Variants in CNTNAP2 observed in about 807,000 individuals in gnomAD.
CNTNAP2 encodes the protein contactin associated protein 2.
Under a neutral mutation model 155.2 loss-of-function variants are expected in CNTNAP2, and 98 were observed. The ratio of observed to expected loss-of-function variants is 0.63; its 90% CI spans 0.54 to 0.75. The LOEUF is 0.75. Among genes scored for constraint, CNTNAP2 ranks in the 30% least tolerant of loss-of-function variants. The pLI is 0.00. For synonymous variants in CNTNAP2, 651 were observed against 631.2 expected (o/e 1.03, Z -0.47); for missense variants, 1,727 against 1,688.1 (o/e 1.02, Z -0.40).
chr7:146,954,407 G>T (rs1180448255), intron 3 of CNTNAP2, among the ~76,000 whole-genome samples: 1 of 151,840 alleles, frequency 6.6e-6, no homozygotes, highest in Non-Finnish European at 1.5e-5. Flanking sequence ...AAAAGTCTGT[G>T]CATATGTTTC....
chr7:147,973,504 A>G (rs1006460060), intron 14 of CNTNAP2, among the ~76,000 whole-genome samples: 19 of 152,182 alleles, frequency 1.2e-4, no homozygotes, highest in African/African-American at 4.1e-4. Context: ...AGCATTACAA[A>G]CATTGGTTGA....
At chr7:148,174,250 A>G (rs1270959372) in intron 18 of CNTNAP2, among the ~76,000 whole-genome samples, 1 of 152,254 alleles carries the variant, frequency 6.6e-6, no homozygotes, top group African/African-American at 2.4e-5. Flanking sequence ...TTGACTTGGT[A>G]GAATGACAGT....
chr7:147,334,290 C>T (rs1485215690), intron 9 of CNTNAP2, among the ~76,000 whole-genome samples: 1 of 152,100 alleles, frequency 6.6e-6, no homozygotes. Context: ...CAAATAAAAC[C>T]CCAATCATCC....
At chr7:148,251,748 A>G (rs1796366120) in intron 20 of CNTNAP2, among the ~76,000 whole-genome samples, 1 of 152,182 alleles carries the variant, frequency 6.6e-6, no homozygotes, top group South Asian at 2.1e-4. Flanking sequence ...ATTCCTGGAC[A>G]TTTTCAATTC....
At position 147,043,946 on chromosome 7, in the gene CNTNAP2, C is replaced by T. The variant is rs1584801144; in HGVS notation, c.442C>T (p.His148Tyr). 6.2e-7 allele frequency: 1 copy of T among 1,614,178 alleles called. No homozygotes were observed. The highest frequency in any genetic ancestry group is 1.3e-5 in the African/African-American group (1 of 75,056). ...GNINSDGVVR[H>Y]ELQHPIIARY... Reference sequence around the variant, plus strand: ...CATTAACTCTGACGGTGTGGTCCGGCACGAATTACAGCATCCGATTATTGC... The same window carrying T: ...CATTAACTCTGACGGTGTGGTCCGGTACGAATTACAGCATCCGATTATTGC... The change falls in exon 4 of 24, where the codon CAC becomes TAC. Residue 148 changes from histidine to tyrosine, a missense_variant. Transcript: ENST00000361727.
At chr7:147,999,454 G>GA (rs1202495983) in intron 15 of CNTNAP2, among the ~76,000 whole-genome samples, 5 of 151,940 alleles carry the variant, frequency 3.3e-5, no homozygotes, top group Admixed American at 6.6e-5. Flanking sequence ...AGAATGCTTG[G>GA]AAAAAAGTAG....
At chr7:148,201,562 T>C (rs1795370948) in intron 18 of CNTNAP2, among the ~76,000 whole-genome samples, 1 of 152,192 alleles carries the variant, frequency 6.6e-6, no homozygotes, top group East Asian at 1.9e-4. Flanking sequence ...AAAGTTTCCC[T>C]TTTTTATAGA....
intron 1 of CNTNAP2, among the ~76,000 whole-genome samples, chr7:146,743,505 T>C (rs564482686): frequency 3.3e-5 from 5 of 152,310 alleles, no homozygotes; most frequent in East Asian, 1.9e-4. Context: ...TAGTCACTTA[T>C]TGTGTAAAGA....
intron 21 of CNTNAP2, among the ~76,000 whole-genome samples, chr7:148,364,598 C>T (rs967922845): frequency 1.3e-5 from 2 of 152,202 alleles, no homozygotes; most frequent in African/African-American, 4.8e-5. Flanking sequence ...TCTAGCTGCT[C>T]TGGTGGGGCC....
intron 3 of CNTNAP2, among the ~76,000 whole-genome samples, chr7:147,038,957 C>A (rs1001315240): frequency 6.6e-6 from 1 of 152,050 alleles, no homozygotes; most frequent in Non-Finnish European, 1.5e-5. Flanking sequence ...TGTCCTTGAC[C>A]TCTCCATCTT....
intron 8 of CNTNAP2, among the ~76,000 whole-genome samples, chr7:147,144,323 C>T (rs974282655): frequency 1.3e-5 from 2 of 152,200 alleles, no homozygotes; most frequent in Non-Finnish European, 2.9e-5. Flanking sequence ...TTCACCCCCA[C>T]CATACTTCCA....
intron 18 of CNTNAP2, among the ~76,000 whole-genome samples, chr7:148,193,786 C>T (rs1211974359): frequency 6.6e-6 from 1 of 152,012 alleles, no homozygotes; most frequent in African/African-American, 2.4e-5. Flanking sequence ...GCCTCATTTC[C>T]TGTAATTCAT....
intron 1 of CNTNAP2, among the ~76,000 whole-genome samples, chr7:146,133,927 G>A (rs1797757171): frequency 1.3e-5 from 2 of 151,564 alleles, no homozygotes; most frequent in Admixed American, 6.6e-5. Context: ...GAACTTTAAA[G>A]TAGTTTTTTC....
intron 17 of CNTNAP2, among the ~76,000 whole-genome samples, chr7:148,160,782 A>G (rs1307355721): frequency 6.6e-6 from 1 of 151,758 alleles, no homozygotes; most frequent in African/African-American, 2.4e-5. Context: ...TTTCTTACCT[A>G]CCCTGTTTAA....
intron 22 of CNTNAP2, among the ~76,000 whole-genome samples, chr7:148,389,207 C>T (rs1359650757): frequency 2.0e-5 from 3 of 152,170 alleles, no homozygotes; most frequent in Non-Finnish European, 4.4e-5. Flanking sequence ...TTGACTATGT[C>T]CCCACCCAAA....
At chr7:146,333,815 C>T (rs1462862589) in intron 1 of CNTNAP2, among the ~76,000 whole-genome samples, 1 of 152,184 alleles carries the variant, frequency 6.6e-6, no homozygotes, top group African/African-American at 2.4e-5. Flanking sequence ...ATGGAATCCT[C>T]ATCATTGGCT....
intron 10 of CNTNAP2, among the ~76,000 whole-genome samples, chr7:147,473,047 G>C (rs1798254295): frequency 6.6e-6 from 1 of 152,180 alleles, no homozygotes; most frequent in South Asian, 2.1e-4. Context: ...GGAAGAAACA[G>C]GGATCAACTC....
At chr7:146,121,125 T>G (rs1415765470) in intron 1 of CNTNAP2, among the ~76,000 whole-genome samples, 1 of 106,280 alleles carries the variant, frequency 9.4e-6, no homozygotes, top group Non-Finnish European at 1.8e-5. Context: ...CTTCCTTTTT[T>G]TTTTTTTTTT....
At chr7:148,255,318 A>G (rs1796438146) in intron 20 of CNTNAP2, among the ~76,000 whole-genome samples, 1 of 152,256 alleles carries the variant, frequency 6.6e-6, no homozygotes, top group South Asian at 2.1e-4. Flanking sequence ...TGCTATAAAT[A>G]TCTTTGAAAT....
Sources: allele counts gnomAD v4.1 joint callset (sites outside exome capture counted in the v4.1 genomes callset), GRCh38; gene constraint gnomAD v4.1.1; transcripts MANE v1.5; gene names NCBI Gene and HGNC (gene_info 2026-07-23, HGNC 2026-07-21).